Variants in GRIA1 observed in about 807,000 individuals in gnomAD.
The protein encoded by GRIA1 is glutamate receptor 1.
GRIA1 carries 31 observed loss-of-function variants against 99.2 expected under a neutral mutation model. That is an observed-to-expected ratio of 0.31 (90% CI 0.23 to 0.42). The LOEUF (loss-of-function observed/expected upper bound fraction) is 0.42, where lower values mean the gene tolerates loss of function less well. GRIA1 is among the 10% of genes least tolerant of loss of function. The probability of loss-of-function intolerance (pLI) is 1.00; values close to 1 mark genes in which losing one functional copy is unlikely to be tolerated. For missense variants in GRIA1, 782 were observed against 1,157.5 expected (o/e 0.68, Z 4.71); for synonymous variants, 438 against 432.4 (o/e 1.01, Z -0.16).
chr5:153,664,862 G>A (rs1755631871), intron 5 of GRIA1, among the ~76,000 whole-genome samples: 1 of 152,152 alleles, frequency 6.6e-6, no homozygotes, highest in Non-Finnish European at 1.5e-5. Context: ...TATATGGGAG[G>A]CCTGTGAAGG....
At position 153,768,665 on chromosome 5, in the gene GRIA1, A is replaced by G. The variant is rs115178202; in HGVS notation, c.2023-1503A>G. Among the ~76,000 whole-genome samples, 992 of 152,282 alleles carry G rather than the reference A, an allele frequency of 6.5e-3. 15 individuals are homozygous for G. The highest frequency in any genetic ancestry group is 0.023 in the African/African-American group (945 of 41,562). On this transcript the variant is annotated intron_variant, in intron 12 of 15. Transcript: ENST00000285900. ...AATTGTAGATCAATATCTTACCAAC[A>G]GTTGACGTGCGCTAATATCAAGGAA...
chr5:153,587,873 G>C (rs1015849130), intron 2 of GRIA1, among the ~76,000 whole-genome samples: 1 of 152,154 alleles, frequency 6.6e-6, no homozygotes, highest in Non-Finnish European at 1.5e-5. Context: ...TGCATAAATG[G>C]ATAATGCCAC....
intron 14 of GRIA1, among the ~76,000 whole-genome samples, chr5:153,801,706 A>G (rs1766036187): frequency 6.6e-6 from 1 of 152,232 alleles, no homozygotes; most frequent in African/African-American, 2.4e-5. Context: ...CCATTTTTCT[A>G]TCTCAGAGCC....
chr5:153,490,537 C>T, upstream of GRIA1: 1 of 360,422 alleles, frequency 2.8e-6, no homozygotes, highest in South Asian at 2.7e-5. Flanking sequence ...GAGCTTGCTG[C>T]CTGTGTGAGT....
At chr5:153,694,774 T>C (rs756122242) in intron 8 of GRIA1, among the ~76,000 whole-genome samples, 5 of 152,198 alleles carry the variant, frequency 3.3e-5, no homozygotes, top group Admixed American at 6.5e-5. Flanking sequence ...ATCTTAATAC[T>C]CAGTGGCTTT....
At chr5:153,670,141 A>G (rs1360800664) in intron 5 of GRIA1, among the ~76,000 whole-genome samples, 2 of 152,192 alleles carry the variant, frequency 1.3e-5, no homozygotes, top group Admixed American at 6.5e-5. Context: ...ATTTCTTTGC[A>G]TTTAATAATG....
At chr5:153,723,532 T>A (rs984283863) in intron 11 of GRIA1, among the ~76,000 whole-genome samples, 11 of 152,210 alleles carry the variant, frequency 7.2e-5, no homozygotes, top group African/African-American at 2.7e-4. Context: ...ATCAGGTCAC[T>A]CCCGCCCTAA....
At position 153,686,335 on chromosome 5, in the gene GRIA1, G is replaced by A. The variant is rs372373205; in HGVS notation, c.1134+6G>A. 8 of 1,606,900 alleles carry A rather than the reference G, an allele frequency of 5.0e-6. No individual in the cohort carries two copies. The highest frequency in any genetic ancestry group is 1.7e-4 in the Middle Eastern group (1 of 6,050). On this transcript the variant is annotated splice_donor_region_variant and intron_variant, in intron 8 of 15. Transcript: ENST00000285900. ...AACATGACGGCATCCGAAAGGTAAGGTCCCCCTTTACTTCTGTTCTGCAGA... is the reference window on the plus strand; with the variant it reads ...AACATGACGGCATCCGAAAGGTAAGATCCCCCTTTACTTCTGTTCTGCAGA...
At chr5:153,706,179 G>A in intron 11 of GRIA1, 112 bp downstream of exon 11, 1 of 1,053,286 alleles carries the variant, frequency 9.5e-7, no homozygotes, top group Non-Finnish European at 1.4e-6. Flanking sequence ...TCAGACCACT[G>A]TATTCAGTTT....
intron 2 of GRIA1, among the ~76,000 whole-genome samples, chr5:153,631,315 G>A (rs976209418): frequency 6.6e-6 from 1 of 152,138 alleles, no homozygotes; most frequent in African/African-American, 2.4e-5. Context: ...AAAGCTCCTG[G>A]CCAGTAGCCT....
At chr5:153,527,102 C>G (rs904488817) in intron 2 of GRIA1, among the ~76,000 whole-genome samples, 4 of 152,158 alleles carry the variant, frequency 2.6e-5, no homozygotes, top group African/African-American at 7.2e-5. Context: ...AATCCAGTGC[C>G]ATATGCCTTC....
chr5:153,786,847 G>A (rs1030888245), intron 13 of GRIA1, among the ~76,000 whole-genome samples: 2 of 152,202 alleles, frequency 1.3e-5, no homozygotes, highest in African/African-American at 4.8e-5. Flanking sequence ...GGAGCAGGCA[G>A]AGGCACACTG....
chr5:153,506,909 G>A (rs948685127), intron 2 of GRIA1, among the ~76,000 whole-genome samples: 1 of 152,090 alleles, frequency 6.6e-6, no homozygotes, highest in Non-Finnish European at 1.5e-5. Flanking sequence ...GATCACTTGA[G>A]GCCAGGAGTT....
chr5:153,644,983 T>A (rs1754037713), intron 2 of GRIA1, among the ~76,000 whole-genome samples: 1 of 151,992 alleles, frequency 6.6e-6, no homozygotes, highest in South Asian at 2.1e-4. Flanking sequence ...ATGTTGAGAC[T>A]TTTCCTGTGT....
intron 2 of GRIA1, among the ~76,000 whole-genome samples, chr5:153,634,593 T>G (rs918073978): frequency 2.0e-5 from 3 of 152,058 alleles, no homozygotes; most frequent in Non-Finnish European, 2.9e-5. Context: ...GGGCCAGAAC[T>G]CAGAGCCTCA....
intron 11 of GRIA1, among the ~76,000 whole-genome samples, chr5:153,743,431 TG>T (rs1761950184): frequency 6.6e-6 from 1 of 152,306 alleles, no homozygotes; most frequent in Admixed American, 6.5e-5. Flanking sequence ...CTCTGGAGCT[TG>T]GGGGTTCTCT....
chr5:153,769,204 T>C (rs1171246781), intron 12 of GRIA1, among the ~76,000 whole-genome samples: 3 of 152,106 alleles, frequency 2.0e-5, no homozygotes, highest in African/African-American at 2.4e-5. Flanking sequence ...TTTCTCAAAG[T>C]GAGGACCATA....
intron 3 of GRIA1, among the ~76,000 whole-genome samples, chr5:153,648,881 A>G (rs1754344616): frequency 6.6e-6 from 1 of 151,878 alleles, no homozygotes; most frequent in African/African-American, 2.4e-5. Context: ...AGAACCTGCA[A>G]ATATGTCTAT....
At chr5:153,645,390 C>T (rs1754072395) in intron 2 of GRIA1, among the ~76,000 whole-genome samples, 1 of 152,120 alleles carries the variant, frequency 6.6e-6, no homozygotes, top group South Asian at 2.1e-4. Context: ...AAAATGGAGA[C>T]TCACAGTAGA....
Sources: gnomAD v4.1 joint callset for allele counts (sites outside exome capture counted in the v4.1 genomes callset) on GRCh38, gnomAD v4.1.1 for gene constraint, MANE v1.5 for transcripts, NCBI Gene and HGNC (gene_info 2026-07-23, HGNC 2026-07-21) for gene names.